The following SETD1B variants were observed in gnomAD, a reference collection of about 807,000 sequenced individuals.
SETD1B encodes histone-lysine N-methyltransferase SETD1B.
A neutral mutation model predicts 148.0 loss-of-function variants in SETD1B; 7 were observed. The observed-to-expected ratio is 0.05, with a 90% CI of 0.03 to 0.09. The LOEUF is 0.09. Among genes scored for constraint, SETD1B ranks in the 10% least tolerant of loss-of-function variants. The pLI, the probability that SETD1B is intolerant of heterozygous loss-of-function variation, is 1.00. For missense variants in SETD1B, 2,155 were observed against 2,729.9 expected (o/e 0.79, Z 4.69); for synonymous variants, 1,361 against 1,186.5 (o/e 1.15, Z -3.02).
chr12:121,807,711 T>G (rs900774329), intron 4 of SETD1B, among the ~76,000 whole-genome samples: 3 of 152,162 alleles, frequency 2.0e-5, no homozygotes, highest in Non-Finnish European at 4.4e-5. Context: ...CTCAGCCTGG[T>G]CAGGGCCTGT....
chr12:121,796,109 T>C, the SETD1B span: 8 of 152,610 alleles, frequency 5.2e-5, no homozygotes, highest in African/African-American at 1.4e-4. Context: ...CCAAGCCAGC[T>C]GCTCAGAGCT....
Position 121,817,466 on chromosome 12 carries a change from G to A in SETD1B, c.3074G>A (p.Arg1025Gln), listed in dbSNP as rs199987652. 2,373 of 1,548,572 alleles carry A rather than the reference G, an allele frequency of 1.5e-3. 2 individuals are homozygous for A. Among genetic ancestry groups the A allele is most frequent in the Non-Finnish European group, 1.9e-3 (2,169 of 1,144,770 alleles). ...KGVGVRRRPA[R>Q]PLELDSGGEE... ...GTGGGTGTGCGGCGGCGGCCGGCGCGGCCTCTGGAGCTGGACAGTGGTGGG... is the reference window on the plus strand; with the variant it reads ...GTGGGTGTGCGGCGGCGGCCGGCGCAGCCTCTGGAGCTGGACAGTGGTGGG... The change falls in exon 9 of 17, where the codon CGG becomes CAG. Residue 1025 changes from arginine (R) to glutamine (Q), a missense_variant. Coordinates refer to ENST00000604567, the MANE Select transcript of SETD1B (RefSeq NM_001353345.2). This position sits in a 1 kb window ranked among gnomAD's most constrained non-coding sequence, Gnocchi z 8.1.
At chr12:121,818,023 T>C in intron 10 of SETD1B, 119 bp downstream of exon 10, 1 of 992,660 alleles carries the variant, frequency 1.0e-6, no homozygotes, top group Non-Finnish European at 1.5e-6. Context: ...AGACGTTACC[T>C]TGTTAAAACA....
Position 121,827,500 on chromosome 12 carries a change from C to A in SETD1B, c.5338-19C>A. The stretch of plus-strand genomic sequence containing the variant: ...GGACACGGCCAGCTCCGCTGAGCCC[C>A]GCACACCGTCCACTGCAGGGCATGA... On this transcript the variant is annotated intron_variant, in intron 13 of 16. Transcript: ENST00000604567. 6.6e-7 allele frequency: 1 copy of A among 1,522,680 alleles called. No homozygotes were observed. Among genetic ancestry groups the A allele is most frequent in the Non-Finnish European group, 8.8e-7 (1 of 1,134,256 alleles). 94.3% of individuals were successfully genotyped at this position (1,522,680 alleles called of 1,614,324 possible). A position where few individuals can be genotyped will look rare whatever the true frequency, so the allele number is the denominator to read the frequency against.
In SETD1B at chr12:121,817,526, C is replaced by T. The variant is rs370992202; in HGVS notation, c.3134C>T (p.Ser1045Leu). The change falls in exon 9 of 17, where the codon TCG becomes TTG. Residue 1045 changes from serine (S) to leucine (L), a missense_variant. Around this residue, in one of 11 missense-constraint regions of SETD1B, gnomAD observed 862 missense variants for 873.8 expected, o/e 0.99. Transcript: ENST00000604567. The surrounding 1 kb of genome is among the most constrained non-coding windows in gnomAD (Gnocchi z 8.1). ...EDEKESLSAS[S>L]SSSASSSSGS... Reference sequence around the variant, plus strand: ...GAGAAGGAGTCATTGTCGGCGTCCTCGTCCTCATCCGCGTCATCATCCTCG... The same window carrying T: ...GAGAAGGAGTCATTGTCGGCGTCCTTGTCCTCATCCGCGTCATCATCCTCG... 5.2e-5 allele frequency: 80 copies of T among 1,551,402 alleles called. No homozygotes were observed. In the Middle Eastern group the frequency reaches 1.3e-3, roughly 26 times the overall value.
upstream of SETD1B, chr12:121,802,666 G>A (rs1875446898): frequency 6.6e-6 from 1 of 152,106 alleles, no homozygotes; most frequent in African/African-American, 2.4e-5. Context: ...GTTAACTGCT[G>A]ACATGAATGG....
chr12:121,814,293 C>G lies in SETD1B; in HGVS notation c.2078C>G (p.Pro693Arg). Reference sequence around the variant, plus strand: ...CCTGGCTTCCCCCCGCTGCCCCCCCCACCACCACCACCCCCACCGCAGCCT... The same window carrying G: ...CCTGGCTTCCCCCCGCTGCCCCCCCGACCACCACCACCCCCACCGCAGCCT... Reference protein sequence around the residue: ...PPPGFPPLPPPPPPPPPQPGF... With the variant: ...PPPGFPPLPPRPPPPPPQPGF... Residue 693 changes from proline to arginine, a missense_variant, in exon 7 of 17, where the codon CCA (proline) becomes CGA (arginine). This residue lies in a region of SETD1B where 295 missense variants were observed against 303.8 expected (regional missense o/e 0.97). Coordinates refer to ENST00000604567, the MANE Select transcript of SETD1B (RefSeq NM_001353345.2). 7 of 1,101,186 alleles carry G rather than the reference C, an allele frequency of 6.4e-6. No homozygotes were observed. The highest frequency in any genetic ancestry group is 3.7e-5 in the East Asian group (1 of 26,996). The allele number at this position is 1,101,186 out of a possible 1,614,324, so 68.2% of individuals were successfully genotyped here.
chr12:121,797,970 G>A, the SETD1B span: 7 of 233,980 alleles, frequency 3.0e-5, no homozygotes, highest in Non-Finnish European at 5.2e-5. Flanking sequence ...GGCTCATCGG[G>A]GATTGAAGAC....
intron 13 of SETD1B, among the ~76,000 whole-genome samples, chr12:121,825,665 G>T (rs1271194372): frequency 1.3e-5 from 2 of 151,794 alleles, no homozygotes; most frequent in Admixed American, 1.3e-4. Context: ...TTTAGGGGGG[G>T]ACAAAGCCTT....
chr12:121,823,851 C>T (rs1592989543), intron 12 of SETD1B, 102 bp downstream of exon 12: 1 of 1,422,090 alleles, frequency 7.0e-7, no homozygotes, highest in South Asian at 1.4e-5. Flanking sequence ...CCGCGGTGCC[C>T]ATGAAGGTGA....
At chr12:121,806,855 C>G (rs1343423745) in intron 4 of SETD1B, among the ~76,000 whole-genome samples, 1 of 152,200 alleles carries the variant, frequency 6.6e-6, no homozygotes, top group Non-Finnish European at 1.5e-5. Flanking sequence ...CCTGCAGGAC[C>G]AAGGGGCTTG....
the SETD1B span, chr12:121,793,716 G>T: frequency 7.9e-7 from 1 of 1,265,082 alleles, no homozygotes; most frequent in East Asian, 3.0e-5. Context: ...GCCGGAACCA[G>T]CCCCGCCCAC....
chr12:121,808,182 G>A lies in SETD1B; in HGVS notation c.545-26G>A. ...CTGCCCCATCCTGGAACCTCACTGAGTTCCCCCTTTCCTGCCCATCTACAG... is the reference window on the plus strand; with the variant it reads ...CTGCCCCATCCTGGAACCTCACTGAATTCCCCCTTTCCTGCCCATCTACAG... On this transcript the variant is annotated intron_variant, in intron 4 of 16. Transcript: ENST00000604567. This position sits in a 1 kb window ranked among gnomAD's most constrained non-coding sequence, Gnocchi z 5.3. The A allele has an allele frequency of 6.5e-7, 1 of 1,528,622 alleles. No individual in the cohort carries two copies. Among genetic ancestry groups the A allele is most frequent in the Middle Eastern group, 1.7e-4 (1 of 5,774 alleles). The allele number at this position is 1,528,622 out of a possible 1,614,324, so 94.7% of individuals were successfully genotyped here. A position where few individuals can be genotyped will look rare whatever the true frequency, so the allele number is the denominator to read the frequency against.
rs928076596 is a variant in SETD1B, at chr12:121,822,473, C to T, written c.3911-17C>T. 1.1e-5 allele frequency: 16 copies of T among 1,517,804 alleles called. No individual in the cohort carries two copies. Among genetic ancestry groups the T allele is most frequent in the African/African-American group, 6.9e-5 (5 of 72,020 alleles). The allele number at this position is 1,517,804 out of a possible 1,614,324, so 94.0% of individuals were successfully genotyped here. On this transcript the variant is annotated splice_polypyrimidine_tract_variant and intron_variant, in intron 11 of 16. Transcript: ENST00000604567. ...GATTGAATAGTAAATGTCTCGTGTT[C>T]GCTCACCTCTCTGCAGAACATGACC...
chr12:121,813,291 TA>T (rs1876128669), intron 6 of SETD1B, among the ~76,000 whole-genome samples: 1 of 150,092 alleles, frequency 6.7e-6, no homozygotes, highest in African/African-American at 2.4e-5. Context: ...GTCACGAGAC[TA>T]GGTGAAAAGA....
intron 7 of SETD1B, among the ~76,000 whole-genome samples, chr12:121,816,282 C>T (rs769347548): frequency 4.0e-5 from 6 of 150,698 alleles, no homozygotes; most frequent in Non-Finnish European, 5.9e-5. Flanking sequence ...TCCCCTCCCT[C>T]GACCGTGGTT....
At chr12:121,821,326 A>G (rs1420687470) in intron 11 of SETD1B, among the ~76,000 whole-genome samples, 2 of 151,946 alleles carry the variant, frequency 1.3e-5, no homozygotes, top group Admixed American at 1.3e-4. Context: ...AATCCCAGCT[A>G]CTTGGGAGGC....
chr12:121,828,134 G>C, intron 16 of SETD1B, 64 bp downstream of exon 16: 1 of 1,532,116 alleles, frequency 6.5e-7, no homozygotes, highest in Non-Finnish European at 8.8e-7. Context: ...TTCTGTGCCA[G>C]GAGGGCCTGG....
In SETD1B at chr12:121,831,081, G is replaced by T. The variant is rs1877071211; in HGVS notation, c.*842G>T. The T allele has an allele frequency of 6.6e-6, 1 of 152,422 alleles. No homozygotes were observed. Among genetic ancestry groups the T allele is most frequent in the African/African-American group, 2.4e-5 (1 of 41,576 alleles). The allele number at this position is 152,422 out of a possible 1,614,324, so 9.4% of individuals were successfully genotyped here. A position where few individuals can be genotyped will look rare whatever the true frequency, so the allele number is the denominator to read the frequency against. On this transcript the variant is annotated 3_prime_UTR_variant, in exon 17 of 17. Coordinates refer to ENST00000604567, the MANE Select transcript of SETD1B (RefSeq NM_001353345.2). ...ACGCGGGAGCCTCTCGGAGGCCCCA[G>T]TGCAGGTGAGGGGCGCTGAGAACGC...
Sources: gnomAD v4.1 joint callset for allele counts (sites outside exome capture counted in the v4.1 genomes callset) on GRCh38, gnomAD v4.1.1 for gene constraint, gnomAD v4.1.1 regional missense constraint, Gnocchi (gnomAD v3.1) non-coding constraint, MANE v1.5 for transcripts, NCBI Gene and HGNC (gene_info 2026-07-23, HGNC 2026-07-21) for gene names.